APBB2: variants seen among roughly 807,000 people sequenced by gnomAD.
APBB2 encodes amyloid beta precursor protein binding family B member 2.
Under a neutral mutation model 82.5 loss-of-function variants are expected in APBB2, and 38 were observed. The ratio of observed to expected loss-of-function variants is 0.46; its 90% CI spans 0.36 to 0.60. The LOEUF is 0.60. Among genes scored for constraint, APBB2 ranks in the 20% least tolerant of loss-of-function variants. APBB2 has a pLI of 0.00. For missense variants in APBB2, 772 were observed against 972.3 expected, an observed-to-expected ratio of 0.79 and a Z score of 2.74; for synonymous variants, 341 against 368.2, an observed-to-expected ratio of 0.93 and a Z score of 0.85.
At chr4:41,117,015 C>T (rs936233751) in intron 2 of APBB2, among the ~76,000 whole-genome samples, 2 of 152,054 alleles carry the variant, frequency 1.3e-5, no homozygotes, top group East Asian at 3.9e-4. Flanking sequence ...CAGTTAAGAA[C>T]AGACCCATTC....
chr4:40,884,909 T>C (rs1280928444), intron 12 of APBB2, among the ~76,000 whole-genome samples: 3 of 152,174 alleles, frequency 2.0e-5, no homozygotes, highest in Admixed American at 6.5e-5. Context: ...CATAATCAGA[T>C]AGAACAATCA....
At chr4:40,996,529 GTCAGTCC>G (rs1803686523) in intron 6 of APBB2, among the ~76,000 whole-genome samples, 1 of 152,202 alleles carries the variant, frequency 6.6e-6, no homozygotes, top group African/African-American at 2.4e-5. Context: ...TCTTGAGGAT[GTCAGTCC>G]TTGGCTATTA....
intron 12 of APBB2, among the ~76,000 whole-genome samples, chr4:40,835,006 C>T (rs974651699): frequency 3.9e-5 from 6 of 152,094 alleles, no homozygotes; most frequent in Admixed American, 1.3e-4. Context: ...AGTCCGGGCG[C>T]GGTGGCTCAT....
rs73810661 is a variant in APBB2 at position 40,821,835 on chromosome 4, C to T, written c.2112+36G>A. On this transcript the variant is annotated intron_variant, in intron 17 of 17. Coordinates refer to ENST00000508593, the MANE Select transcript of APBB2 (RefSeq NM_004307.2). ...ATGGCATATTAGAGATGAGCAGAGG[C>T]GGGAGGGCTCAACAGCCTGTACCGG... 5,751 of 1,600,454 alleles carry T rather than the reference C, an allele frequency of 3.6e-3. 144 individuals carry two copies. In the African/African-American group the frequency reaches 0.06, roughly 17 times the overall value.
intron 2 of APBB2, among the ~76,000 whole-genome samples, chr4:41,116,866 T>C (rs1253134404): frequency 6.6e-6 from 1 of 152,112 alleles, no homozygotes; most frequent in Non-Finnish European, 1.5e-5. Context: ...CGTCGTGTTG[T>C]CTTGCCAAAT....
In APBB2 at chr4:40,964,902, C is replaced by T. The variant is rs181307734; in HGVS notation, c.836-19829G>A. Among the ~76,000 whole-genome samples, 133 of 152,162 alleles carry T rather than the reference C, an allele frequency of 8.7e-4. 2 individuals carry two copies. Among genetic ancestry groups the T allele is most frequent in the African/African-American group, 2.7e-3 (114 of 41,478 alleles). On this transcript the variant is annotated intron_variant, in intron 6 of 17. Transcript: ENST00000508593. ...TTGGGAGGCCAAGGCGGGCAGATCACGAGGTCAGGAGATCGAGACCATCCT... is the reference window on the plus strand; with the variant it reads ...TTGGGAGGCCAAGGCGGGCAGATCATGAGGTCAGGAGATCGAGACCATCCT...
chr4:41,018,908 A>G (rs1023601800), intron 5 of APBB2, among the ~76,000 whole-genome samples: 2 of 152,190 alleles, frequency 1.3e-5, no homozygotes, highest in Non-Finnish European at 2.9e-5. Flanking sequence ...AGGTAGTCAC[A>G]AGAGACTTAG....
rs1754383714 is a variant in APBB2 at position 41,126,293 on chromosome 4, A to T, written c.-261+16694T>A. Among the ~76,000 whole-genome samples, 4 of 151,930 alleles carry T rather than the reference A, an allele frequency of 2.6e-5. No homozygotes were observed. The South Asian group carries it at 8.3e-4, about 32-fold the overall frequency. The stretch of plus-strand genomic sequence containing the variant: ...CAGCTACTTGGGAGGCTGAAGCAGG[A>T]GGATCGCTTGAGACCAGGAAGTCAA... On this transcript the variant is annotated intron_variant, in intron 2 of 17. Coordinates refer to ENST00000508593, the MANE Select transcript of APBB2 (RefSeq NM_004307.2).
intron 1 of APBB2, among the ~76,000 whole-genome samples, chr4:41,200,344 A>G (rs1456495367): frequency 6.6e-6 from 1 of 152,206 alleles, no homozygotes; most frequent in African/African-American, 2.4e-5. Flanking sequence ...CCAAAGGATA[A>G]TTCAATAATT....
chr4:41,051,961 TAGG>T lies in APBB2; in HGVS notation c.-51+13612_-51+13614del, dbSNP rs1359022846. Among the ~76,000 whole-genome samples, 3 of 152,176 alleles carry T rather than the reference TAGG, an allele frequency of 2.0e-5. No individual in the cohort carries two copies. The East Asian group carries it at 5.8e-4, about 29-fold the overall frequency. On this transcript the variant is annotated intron_variant, in intron 4 of 17. Coordinates refer to ENST00000508593, the MANE Select transcript of APBB2 (RefSeq NM_004307.2). ...CCAAATGTCTGTTGTGGGAATTAAA[TAGG>T]AGAGTGTGTGTAAAGCACTCAGAAT...
At position 41,014,030 on chromosome 4, in the gene APBB2, T is replaced by C. The variant is rs766127720; in HGVS notation, c.388A>G (p.Ile130Val). The C allele has an allele frequency of 5.6e-6, 9 of 1,614,184 alleles. No homozygotes were observed. Among genetic ancestry groups the C allele is most frequent in the Admixed American group, 1.7e-5 (1 of 60,028 alleles). Residue 130 changes from isoleucine (I) to valine (V), a missense_variant, in exon 6 of 18, where the codon ATA becomes GTA. Coordinates refer to ENST00000508593, the MANE Select transcript of APBB2 (RefSeq NM_004307.2). ...KNLSPTAVIN[I>V]TSEKLEGKEP... ...TTACCCTCTAACTTCTCAGAAGTTA[T>C]GTTGATGACTGCAGTGGGGCTCAGG...
intron 1 of APBB2, among the ~76,000 whole-genome samples, chr4:41,201,857 A>T (rs1776774272): frequency 6.6e-6 from 1 of 152,224 alleles, no homozygotes; most frequent in Non-Finnish European, 1.5e-5. Flanking sequence ...AGTAATATAC[A>T]CGGCCAAAAA....
intron 10 of APBB2, among the ~76,000 whole-genome samples, chr4:40,922,906 C>CAGTCG (rs1278365401): frequency 6.6e-6 from 1 of 151,988 alleles, no homozygotes; most frequent in African/African-American, 2.4e-5. Flanking sequence ...GCATGAGCCA[C>CAGTCG]TGCACCCAGC....
chr4:40,820,529 G>A (rs1355949579), intron 17 of APBB2, among the ~76,000 whole-genome samples: 1 of 152,086 alleles, frequency 6.6e-6, no homozygotes, highest in Non-Finnish European at 1.5e-5. Context: ...GCCAGGCGTG[G>A]TGGCAGGTGC....
intron 2 of APBB2, among the ~76,000 whole-genome samples, chr4:41,136,924 T>C (rs1226470382): frequency 6.6e-6 from 1 of 152,242 alleles, no homozygotes; most frequent in Non-Finnish European, 1.5e-5. Flanking sequence ...TCCTTTTCAA[T>C]GTTTATGCAT....
chr4:41,198,299 G>A, intron 1 of APBB2, among the ~76,000 whole-genome samples: 1 of 152,176 alleles, frequency 6.6e-6, no homozygotes, highest in Admixed American at 6.5e-5. Context: ...GGAAAGCAGG[G>A]ATCCTGTCTG....
At chr4:40,954,823 C>T (rs1330564947) in intron 6 of APBB2, among the ~76,000 whole-genome samples, 1 of 152,112 alleles carries the variant, frequency 6.6e-6, no homozygotes, top group Non-Finnish European at 1.5e-5. Context: ...ACCATCACAC[C>T]CGGGTAATTT....
At chr4:41,026,727 T>C (rs1230316764) in intron 5 of APBB2, among the ~76,000 whole-genome samples, 5 of 152,278 alleles carry the variant, frequency 3.3e-5, no homozygotes, top group African/African-American at 7.2e-5. Context: ...ATTTGTTCAC[T>C]GGTTAATGGA....
At chr4:41,035,759 T>A (rs1406373953) in intron 4 of APBB2, among the ~76,000 whole-genome samples, 1 of 152,252 alleles carries the variant, frequency 6.6e-6, no homozygotes, top group East Asian at 1.9e-4. Context: ...GCATCTGTAC[T>A]GAATATGTAC....
Sources: gnomAD v4.1 joint callset for allele counts (sites outside exome capture counted in the v4.1 genomes callset) on GRCh38, gnomAD v4.1.1 for gene constraint, MANE v1.5 for transcripts, NCBI Gene and HGNC (gene_info 2026-07-23, HGNC 2026-07-21) for gene names.